PRSS23: variants seen among roughly 807,000 people sequenced by gnomAD.
The protein encoded by PRSS23 is protease, serine 23.
In PRSS23, 25 loss-of-function variants were observed where a neutral mutation model predicts 34.7. That is an observed-to-expected ratio of 0.72 (90% CI 0.53 to 1.01). The LOEUF (loss-of-function observed/expected upper bound fraction) is 1.01, where lower values mean the gene tolerates loss of function less well. Ranked by LOEUF, PRSS23 falls within the 50% of genes least tolerant of loss-of-function variation. The pLI, the probability that PRSS23 is intolerant of heterozygous loss-of-function variation, is 0.00. For missense variants in PRSS23, 445 were observed against 475.6 expected (o/e 0.94, Z 0.60); for synonymous variants, 176 against 186.6 (o/e 0.94, Z 0.46).
chr11:86,841,919 C>A (rs1948451431), intron 2 of PRSS23, among the ~76,000 whole-genome samples: 1 of 152,194 alleles, frequency 6.6e-6, no homozygotes, highest in Non-Finnish European at 1.5e-5. Flanking sequence ...AGAATCCTCC[C>A]TAACTCATTT....
intron 1 of PRSS23, chr11:86,821,648 G>T: frequency 6.3e-7 from 1 of 1,580,008 alleles, no homozygotes; most frequent in Non-Finnish European, 8.7e-7. Flanking sequence ...CCTTCAGCTG[G>T]TTCAAGAATT....
intron 2 of PRSS23, among the ~76,000 whole-genome samples, chr11:86,893,623 T>C (rs997141648): frequency 1.3e-5 from 2 of 152,208 alleles, no homozygotes; most frequent in African/African-American, 4.8e-5. Flanking sequence ...GATGTGATCA[T>C]TATAGATAGG....
chr11:86,862,414 C>A (rs1254743565), intron 2 of PRSS23, among the ~76,000 whole-genome samples: 2 of 151,500 alleles, frequency 1.3e-5, no homozygotes, highest in African/African-American at 4.9e-5. Flanking sequence ...ACCGTAATGT[C>A]ACAGGCAGTG....
intron 2 of PRSS23, chr11:86,950,832 C>T (rs1949284072): frequency 4.5e-6 from 2 of 443,140 alleles, no homozygotes; most frequent in South Asian, 4.6e-5. Flanking sequence ...TCGCCCTGGA[C>T]TTCCTGGAAT....
downstream of PRSS23, among the ~76,000 whole-genome samples, chr11:86,815,948 A>G (rs1948212600): frequency 1.3e-5 from 2 of 152,244 alleles, no homozygotes; most frequent in South Asian, 4.2e-4. Context: ...TGCCCAAGAC[A>G]TGTTCTGAAG....
chr11:86,918,850 A>G (rs906147313), intron 2 of PRSS23, among the ~76,000 whole-genome samples: 1 of 152,206 alleles, frequency 6.6e-6, no homozygotes, highest in African/African-American at 2.4e-5. Context: ...TAATTATATT[A>G]CCTAAGAAAA....
chr11:86,826,770 G>T (rs867332691), intron 2 of PRSS23, among the ~76,000 whole-genome samples: 8 of 152,096 alleles, frequency 5.3e-5, no homozygotes, highest in African/African-American at 1.9e-4. Context: ...TTTGTCTTTG[G>T]TTCTGTTTAT....
intron 2 of PRSS23, among the ~76,000 whole-genome samples, chr11:86,828,202 G>A (rs544311242): frequency 2.9e-3 from 437 of 152,278 alleles, no homozygotes; most frequent in African/African-American, 0.01. Flanking sequence ...TATATATTTA[G>A]GATAGTTAGC....
intron 2 of PRSS23, chr11:86,833,539 G>T: frequency 3.9e-6 from 1 of 254,672 alleles, no homozygotes; most frequent in Non-Finnish European, 7.6e-6. Flanking sequence ...CCATACAAAG[G>T]GAGGGGATCC....
At chr11:86,919,425 A>T (rs1949033763) in intron 2 of PRSS23, among the ~76,000 whole-genome samples, 1 of 152,202 alleles carries the variant, frequency 6.6e-6, no homozygotes, top group African/African-American at 2.4e-5. Flanking sequence ...GGCACATGTG[A>T]GAGTGAATGC....
chr11:86,907,563 AGTCCCCCCATCTTAGCCTCCCGAGTAGC>A (rs1298999014), intron 2 of PRSS23, among the ~76,000 whole-genome samples: 5 of 152,050 alleles, frequency 3.3e-5, no homozygotes, highest in Non-Finnish European at 7.4e-5. Flanking sequence ...GGGCTCTAGC[AGTCCCCCCATCTTAGCCTCCCGAGTAGC>A]TGAGACTGCA....
intron 2 of PRSS23, among the ~76,000 whole-genome samples, chr11:86,866,054 G>A (rs1948647420): frequency 6.6e-6 from 1 of 152,078 alleles, no homozygotes; most frequent in African/African-American, 2.4e-5. Context: ...CTTCTTGTGT[G>A]GCCTCCTAAA....
In PRSS23 at chr11:86,868,021, G is replaced by A. The variant is rs556603619; in HGVS notation, c.206+44428G>A. Among the ~76,000 whole-genome samples, 32 of 152,198 alleles carry A rather than the reference G, an allele frequency of 2.1e-4. 1 individual carries two copies. Among genetic ancestry groups the A allele is most frequent in the African/African-American group, 7.2e-4 (30 of 41,512 alleles). ...TCTTCACCTCAGGGACCCCACTACA[G>A]CTCCACAACACATAATGAATGATAA... is the stretch of plus-strand genomic sequence containing the variant. On this transcript the variant is annotated intron_variant, in intron 2 of 2. Coordinates refer to the PRSS23 transcript ENST00000533902.
chr11:86,890,006 C>T (rs564029815), intron 2 of PRSS23, among the ~76,000 whole-genome samples: 5 of 152,164 alleles, frequency 3.3e-5, no homozygotes, highest in Admixed American at 1.3e-4. Flanking sequence ...CGGTGGCTCA[C>T]GCCTGAGTCC....
chr11:86,911,103 T>G (rs891728734), intron 2 of PRSS23: 3 of 152,124 alleles, frequency 2.0e-5, no homozygotes, highest in Non-Finnish European at 4.4e-5. Context: ...AAAGATTTCC[T>G]TATTTGTCAT....
chr11:86,913,455 A>T (rs1465554984), intron 2 of PRSS23, among the ~76,000 whole-genome samples: 1 of 148,666 alleles, frequency 6.7e-6, no homozygotes, highest in African/African-American at 2.5e-5. Flanking sequence ...TTGGTCTTAT[A>T]GGAACTATTC....
chr11:86,833,048 C>G, intron 2 of PRSS23: 1 of 499,496 alleles, frequency 2.0e-6, no homozygotes. Context: ...AACATGGGTT[C>G]ATGATGGCTG....
intron 2 of PRSS23, among the ~76,000 whole-genome samples, chr11:86,858,781 A>T (rs1196258216): frequency 6.6e-6 from 1 of 151,838 alleles, no homozygotes; most frequent in Non-Finnish European, 1.5e-5. Flanking sequence ...GACTCCCAAT[A>T]TCGCAGAGGG....
chr11:86,842,941 A>G (rs1410365477), intron 2 of PRSS23, among the ~76,000 whole-genome samples: 1 of 152,218 alleles, frequency 6.6e-6, no homozygotes, highest in East Asian at 1.9e-4. Context: ...ATATGGAACC[A>G]AAAAAGAGCC....
Sources: gnomAD v4.1 joint callset for allele counts (sites outside exome capture counted in the v4.1 genomes callset) on GRCh38, gnomAD v4.1.1 for gene constraint, MANE v1.5 for transcripts, NCBI Gene and HGNC (gene_info 2026-07-23, HGNC 2026-07-21) for gene names.